IQANK1: variants seen among roughly 807,000 people sequenced by gnomAD.
IQANK1 encodes the protein IQ motif and ankyrin repeat containing 1.
A neutral mutation model predicts 22.6 loss-of-function variants in IQANK1; 30 were observed. That is an observed-to-expected ratio of 1.33 (90% CI 0.99 to 1.80). The LOEUF is 1.80. Among genes scored for constraint, IQANK1 ranks in the 40% most tolerant of loss-of-function variants. The pLI, the probability that IQANK1 is intolerant of heterozygous loss-of-function variation, is 0.00. For synonymous variants in IQANK1, 122 were observed against 99.6 expected, an observed-to-expected ratio of 1.23 and a Z score of -1.34; for missense variants, 275 against 235.2, an observed-to-expected ratio of 1.17 and a Z score of -1.11.
rs1819655640 is a variant in IQANK1 at position 143,774,969 on chromosome 8, G to A, written c.789+2487G>A. On this transcript the variant is annotated intron_variant, in intron 7 of 13. Transcript: ENST00000527139. The surrounding 1 kb of genome is among the most constrained non-coding windows in gnomAD (Gnocchi z 4.2). ...TCGGAGGGCTGCAGGGGTTACGGATGGGAGTGGGGGCAGGAAAAGCGGGGA... is the reference window on the plus strand; with the variant it reads ...TCGGAGGGCTGCAGGGGTTACGGATAGGAGTGGGGGCAGGAAAAGCGGGGA... 1.3e-5 allele frequency among the ~76,000 whole-genome samples: 2 copies of A among 152,302 alleles called. No homozygotes were observed. Among genetic ancestry groups the A allele is most frequent in the South Asian group, 4.1e-4 (2 of 4,822 alleles).
At chr8:143,786,720 C>T (rs543456972) in intron 7 of IQANK1, among the ~76,000 whole-genome samples, 12 of 152,136 alleles carry the variant, frequency 7.9e-5, no homozygotes, top group East Asian at 1.9e-4. Flanking sequence ...GCTACCAGGG[C>T]GGGCAGGGCT....
At chr8:143,743,078 C>T in intron 3 of IQANK1, 1 of 455,382 alleles carries the variant, frequency 2.2e-6, no homozygotes, top group Non-Finnish European at 4.4e-6. Flanking sequence ...ATAGCAGCCA[C>T]CACATCTACC....
chr8:143,763,180 T>C (rs1417787849), intron 3 of IQANK1, among the ~76,000 whole-genome samples: 3 of 152,004 alleles, frequency 2.0e-5, no homozygotes, highest in Admixed American at 2.0e-4. Context: ...CACGCCTGGC[T>C]AATTTTTGTA....
chr8:143,778,633 C>T (rs368085767), intron 7 of IQANK1, among the ~76,000 whole-genome samples: 1 of 152,352 alleles, frequency 6.6e-6, no homozygotes, highest in African/African-American at 2.4e-5. Context: ...TACCGAAGAG[C>T]TGAACCACGC....
intron 2 of IQANK1, among the ~76,000 whole-genome samples, chr8:143,736,871 T>C (rs1035882610): frequency 8.2e-5 from 12 of 146,088 alleles, no homozygotes; most frequent in African/African-American, 3.0e-4. Context: ...TGTGAACACA[T>C]TCCAGGTTGC....
intron 3 of IQANK1, among the ~76,000 whole-genome samples, chr8:143,760,824 G>T (rs1355745625): frequency 4.6e-5 from 7 of 152,242 alleles, no homozygotes; most frequent in African/African-American, 1.7e-4. Context: ...CAGAGGAGCA[G>T]CGAGGGTTTT....
chr8:143,759,106 GC>G, intron 3 of IQANK1: 1 of 322,888 alleles, frequency 3.1e-6, no homozygotes, highest in Non-Finnish European at 6.1e-6. Flanking sequence ...ATCTTCGACT[GC>G]CATGAAGAGG....
At chr8:143,773,819 G>A (rs1313938409) in intron 7 of IQANK1, among the ~76,000 whole-genome samples, 1 of 152,206 alleles carries the variant, frequency 6.6e-6, no homozygotes, top group Non-Finnish European at 1.5e-5. Context: ...AGGGGCTGAG[G>A]ATACGGTGAG....
intron 2 of IQANK1, among the ~76,000 whole-genome samples, chr8:143,738,555 C>T (rs940335702): frequency 2.4e-4 from 37 of 152,314 alleles, no homozygotes; most frequent in African/African-American, 6.7e-4. Context: ...CACGGCGGCA[C>T]GGGGCTTTAC....
intron 7 of IQANK1, among the ~76,000 whole-genome samples, chr8:143,779,610 G>GT (rs1476301189): frequency 6.6e-6 from 1 of 152,048 alleles, no homozygotes; most frequent in African/African-American, 2.4e-5. Context: ...TAAGACACTC[G>GT]TAAGTTTACT....
chr8:143,780,130 C>G (rs1017502888), intron 7 of IQANK1, among the ~76,000 whole-genome samples: 1 of 152,096 alleles, frequency 6.6e-6, no homozygotes, highest in African/African-American at 2.4e-5. Context: ...CCACACCTCT[C>G]CCCAGATCAT....
intron 7 of IQANK1, among the ~76,000 whole-genome samples, chr8:143,781,404 T>C (rs1464446906): frequency 6.6e-6 from 1 of 152,226 alleles, no homozygotes; most frequent in Admixed American, 6.5e-5. Flanking sequence ...CCCGTTCTTA[T>C]GTCCAGGATG....
chr8:143,787,890 G>T (rs1819924986), intron 7 of IQANK1, among the ~76,000 whole-genome samples: 1 of 151,856 alleles, frequency 6.6e-6, no homozygotes, highest in Non-Finnish European at 1.5e-5. Flanking sequence ...CCTCCACCTG[G>T]CCCCGTCGCC....
intron 7 of IQANK1, among the ~76,000 whole-genome samples, chr8:143,783,766 T>C (rs1554631127): frequency 6.6e-6 from 1 of 152,226 alleles, no homozygotes. Flanking sequence ...TGCAAGGTCA[T>C]GTTCAAGCTT....
intron 2 of IQANK1, among the ~76,000 whole-genome samples, chr8:143,738,007 T>A (rs900161053): frequency 6.6e-6 from 1 of 152,142 alleles, no homozygotes; most frequent in Non-Finnish European, 1.5e-5. Context: ...CCGGCACCGG[T>A]CTCGAGGCTG....
At chr8:143,757,231 T>C (rs1317128721) in intron 3 of IQANK1, among the ~76,000 whole-genome samples, 5 of 152,194 alleles carry the variant, frequency 3.3e-5, no homozygotes, top group Non-Finnish European at 5.9e-5. Context: ...CATGAACTAA[T>C]TGATGAATGG....
rs913187998 is a variant in IQANK1 at position 143,772,491 on chromosome 8, C to G, written c.789+9C>G. 8 of 399,242 alleles carry G rather than the reference C, an allele frequency of 2.0e-5. No individual in the cohort carries two copies. Among genetic ancestry groups the G allele is most frequent in the Non-Finnish European group, 3.5e-5 (8 of 226,402 alleles). The allele number at this position is 399,242 out of a possible 1,614,324, so 24.7% of individuals were successfully genotyped here. ...GGAGCACCCCTGAGCGGGTGTGGACCCCAGAGGTGTGGGCCCCGGGAGGTG... is the reference window on the plus strand; with the variant it reads ...GGAGCACCCCTGAGCGGGTGTGGACGCCAGAGGTGTGGGCCCCGGGAGGTG... On this transcript the variant is annotated intron_variant, in intron 7 of 13. Transcript: ENST00000527139.
intron 3 of IQANK1, chr8:143,744,889 G>A (rs1818997053): frequency 6.6e-6 from 1 of 152,240 alleles, no homozygotes; most frequent in South Asian, 2.1e-4. Flanking sequence ...ACTAGAGATG[G>A]ACTTGGGCCA....
At chr8:143,761,495 C>A (rs567882246) in intron 3 of IQANK1, among the ~76,000 whole-genome samples, 1 of 152,174 alleles carries the variant, frequency 6.6e-6, no homozygotes, top group Non-Finnish European at 1.5e-5. Context: ...CTCGGCCTGG[C>A]GGGGTAACTC....
Sources: allele counts gnomAD v4.1 joint callset (sites outside exome capture counted in the v4.1 genomes callset), GRCh38; gene constraint gnomAD v4.1.1; non-coding constraint Gnocchi (gnomAD v3.1); transcripts MANE v1.5; gene names NCBI Gene and HGNC (gene_info 2026-07-23, HGNC 2026-07-21).